The following ARHGAP26 variants were observed in gnomAD, a reference collection of about 807,000 sequenced individuals.
The protein encoded by ARHGAP26 is rho GTPase-activating protein 26.
Under a neutral mutation model 104.8 loss-of-function variants are expected in ARHGAP26, and 38 were observed. The observed-to-expected ratio is 0.36, with a 90% CI of 0.28 to 0.48. The LOEUF (loss-of-function observed/expected upper bound fraction) is 0.48, where lower values mean the gene tolerates loss of function less well. ARHGAP26 is among the 20% of genes least tolerant of loss of function. The pLI is 0.99. For missense variants in ARHGAP26, 704 were observed against 947.9 expected (o/e 0.74, Z 3.38); for synonymous variants, 341 against 340.0 (o/e 1.00, Z -0.03).
In ARHGAP26 at chr5:142,833,863, A is replaced by C. The variant is rs1597828179; in HGVS notation, c.155-39537A>C. Reference sequence around the variant, plus strand: ...CCTCGTCTTTCTGAAACAACACAAAAATTTCAAACTACCACTTGGAAATAT... The same window carrying C: ...CCTCGTCTTTCTGAAACAACACAAACATTTCAAACTACCACTTGGAAATAT... On this transcript the variant is annotated intron_variant, in intron 1 of 22. Transcript: ENST00000645722. Among the ~76,000 whole-genome samples, 3 of 152,140 alleles carry C rather than the reference A, an allele frequency of 2.0e-5. No individual in the cohort carries two copies. The South Asian group carries it at 6.2e-4, about 32-fold the overall frequency.
chr5:143,176,561 C>T (rs949118789), intron 20 of ARHGAP26, among the ~76,000 whole-genome samples: 5 of 152,170 alleles, frequency 3.3e-5, no homozygotes, highest in Non-Finnish European at 1.5e-5. Context: ...CCTTTCACCA[C>T]TGAATGTAAA....
intron 11 of ARHGAP26, among the ~76,000 whole-genome samples, chr5:142,948,423 T>TAA (rs35195724): frequency 6.8e-6 from 1 of 146,566 alleles, no homozygotes; most frequent in Non-Finnish European, 1.5e-5. Context: ...TATATATATA[T>TAA]AATATGTATT....
At position 142,896,021 on chromosome 5, in the gene ARHGAP26, G is replaced by A. The variant is rs574051496; in HGVS notation, c.597+1673G>A. Among the ~76,000 whole-genome samples, 275 of 152,230 alleles carry A rather than the reference G, an allele frequency of 1.8e-3. 4 individuals carry two copies. The highest frequency in any genetic ancestry group is 6.2e-3 in the African/African-American group (256 of 41,530). On this transcript the variant is annotated intron_variant, in intron 6 of 22. Transcript: ENST00000645722. ...CTTCCAGCAGTGTGGTTTCAGTCAA[G>A]GTCCCAAGTCAAAAATCCCCATCTT...
chr5:142,826,982 A>G (rs989569802), intron 1 of ARHGAP26, among the ~76,000 whole-genome samples: 5 of 151,704 alleles, frequency 3.3e-5, no homozygotes, highest in African/African-American at 9.7e-5. Flanking sequence ...TCAGGTTTTC[A>G]TTTTCTTTCT....
chr5:142,813,981 G>T (rs181623939), intron 1 of ARHGAP26, among the ~76,000 whole-genome samples: 2 of 152,356 alleles, frequency 1.3e-5, no homozygotes, highest in Admixed American at 6.5e-5. Context: ...TGTGGACTTG[G>T]TGGCCACCAT....
At chr5:143,069,247 G>C (rs1245056779) in intron 17 of ARHGAP26, among the ~76,000 whole-genome samples, 1 of 152,052 alleles carries the variant, frequency 6.6e-6, no homozygotes, top group East Asian at 1.9e-4. Context: ...TTTACTCGTT[G>C]TTTTCTTCTC....
At chr5:142,949,256 A>AGAGT (rs1767917530) in intron 11 of ARHGAP26, among the ~76,000 whole-genome samples, 1 of 131,968 alleles carries the variant, frequency 7.6e-6, no homozygotes, top group Non-Finnish European at 1.6e-5. Context: ...AGAGAGAGAG[A>AGAGT]GTTGAGAATA....
intron 20 of ARHGAP26, among the ~76,000 whole-genome samples, chr5:143,184,789 C>G (rs1489061298): frequency 1.3e-5 from 2 of 152,124 alleles, no homozygotes; most frequent in Admixed American, 6.5e-5. Context: ...GCAACAAAAT[C>G]CATATACTCA....
chr5:143,043,200 A>G (rs1384718277), intron 14 of ARHGAP26, among the ~76,000 whole-genome samples: 2 of 152,072 alleles, frequency 1.3e-5, no homozygotes, highest in African/African-American at 4.8e-5. Context: ...CTCACTTCCC[A>G]CCTTGCACCC....
intron 11 of ARHGAP26, among the ~76,000 whole-genome samples, chr5:142,965,734 C>T (rs1430962302): frequency 1.3e-5 from 2 of 152,168 alleles, no homozygotes; most frequent in African/African-American, 4.8e-5. Flanking sequence ...CAGCTCGTGT[C>T]CTTGGTCTCT....
intron 11 of ARHGAP26, among the ~76,000 whole-genome samples, chr5:142,972,500 A>C (rs1837261): frequency 6.6e-6 from 1 of 152,054 alleles, no homozygotes; most frequent in Admixed American, 6.5e-5. Context: ...ATTAATCCCA[A>C]ACCTTTGTAT....
intron 22 of ARHGAP26, among the ~76,000 whole-genome samples, chr5:143,219,503 T>A (rs1431349355): frequency 6.6e-6 from 1 of 152,134 alleles, no homozygotes; most frequent in Non-Finnish European, 1.5e-5. Context: ...CCATGAATAC[T>A]ATGTGGAATG....
intron 6 of ARHGAP26, 63 bp from the exon 7 acceptor site, chr5:142,901,872 C>T: frequency 7.4e-7 from 1 of 1,356,272 alleles, no homozygotes; most frequent in Non-Finnish European, 1.0e-6. Flanking sequence ...AGCTCAGATA[C>T]AGCTACATAA....
At chr5:143,177,988 T>A (rs955489542) in intron 20 of ARHGAP26, among the ~76,000 whole-genome samples, 3 of 18,440 alleles carry the variant, frequency 1.6e-4, no homozygotes, top group African/African-American at 3.6e-4. Flanking sequence ...GTGGCAGTCC[T>A]TTTTTTTTTT....
chr5:142,962,471 A>G (rs1427423214), intron 11 of ARHGAP26, among the ~76,000 whole-genome samples: 1 of 152,204 alleles, frequency 6.6e-6, no homozygotes, highest in Non-Finnish European at 1.5e-5. Context: ...AGATCATTTC[A>G]TTGTTGAATA....
At chr5:143,096,725 T>C (rs1477301609) in intron 17 of ARHGAP26, among the ~76,000 whole-genome samples, 2 of 151,562 alleles carry the variant, frequency 1.3e-5, no homozygotes, top group East Asian at 1.9e-4. Context: ...CAGTGAAGAA[T>C]ACAATGACTA....
chr5:142,793,985 C>T (rs754073827), intron 1 of ARHGAP26, among the ~76,000 whole-genome samples: 6 of 152,148 alleles, frequency 3.9e-5, no homozygotes, highest in Non-Finnish European at 7.4e-5. Flanking sequence ...CCAATCCAAG[C>T]GGCTTAAACA....
At chr5:143,165,618 T>A (rs1170309818) in intron 20 of ARHGAP26, among the ~76,000 whole-genome samples, 2 of 152,186 alleles carry the variant, frequency 1.3e-5, no homozygotes, top group Non-Finnish European at 2.9e-5. Flanking sequence ...GTTACGTGGG[T>A]ATATTGTGTG....
chr5:143,165,959 C>G, intron 20 of ARHGAP26: 1 of 1,178,288 alleles, frequency 8.5e-7, no homozygotes, highest in South Asian at 1.4e-5. Context: ...TGCATGGCTT[C>G]TGGCTCATAA....
Sources: allele counts gnomAD v4.1 joint callset (sites outside exome capture counted in the v4.1 genomes callset), GRCh38; gene constraint gnomAD v4.1.1; transcripts MANE v1.5; gene names NCBI Gene and HGNC (gene_info 2026-07-23, HGNC 2026-07-21).